The following GRK5 variants were observed in gnomAD, a reference collection of about 807,000 sequenced individuals.
GRK5 encodes the protein g protein-coupled receptor kinase GRK5.
A neutral mutation model predicts 78.4 loss-of-function variants in GRK5; 40 were observed. That is an observed-to-expected ratio of 0.51 (90% CI 0.40 to 0.66). The LOEUF is 0.66. Among genes scored for constraint, GRK5 ranks in the 30% least tolerant of loss-of-function variants. GRK5 has a pLI of 0.00. For missense variants in GRK5, 598 were observed against 759.9 expected (o/e 0.79, Z 2.50); for synonymous variants, 289 against 296.8 (o/e 0.97, Z 0.27).
intron 3 of GRK5, among the ~76,000 whole-genome samples, chr10:119,382,765 C>G (rs1450142045): frequency 1.3e-5 from 2 of 152,166 alleles, no homozygotes; most frequent in African/African-American, 4.8e-5. Flanking sequence ...AAGGTCCACA[C>G]GTTGTGATCT....
intron 2 of GRK5, among the ~76,000 whole-genome samples, chr10:119,366,124 A>G (rs1453516456): frequency 6.9e-6 from 1 of 145,460 alleles, no homozygotes; most frequent in Non-Finnish European, 1.5e-5. Context: ...TCAGCACAGG[A>G]ATGTGCTGTG....
At chr10:119,415,925 C>G (rs1262324317) in intron 4 of GRK5, among the ~76,000 whole-genome samples, 2 of 152,150 alleles carry the variant, frequency 1.3e-5, no homozygotes, top group African/African-American at 4.8e-5. Context: ...CCTGGAGGGT[C>G]CTCTGATCTC....
rs576309532 is a variant in GRK5, at chr10:119,452,278, C to T, written c.1405-393C>T. Among the ~76,000 whole-genome samples the T allele has an allele frequency of 1.3e-5, 2 of 152,364 alleles. No individual in the cohort carries two copies. Among genetic ancestry groups the T allele is most frequent in the South Asian group, 4.1e-4 (2 of 4,830 alleles). ...AAGTTCCTAAGCCCCACAGCTGGGA[C>T]TCTAGCCCACGTCTGTCCAGTATGG... On this transcript the variant is annotated intron_variant, in intron 13 of 15. Transcript: ENST00000392870. The surrounding 1 kb of genome is among the most constrained non-coding windows in gnomAD (Gnocchi z 4.4).
intron 1 of GRK5, among the ~76,000 whole-genome samples, chr10:119,250,446 T>G (rs181668143): frequency 1.7e-4 from 26 of 152,148 alleles, no homozygotes; most frequent in Admixed American, 5.2e-4. Flanking sequence ...CAGGCTGGAG[T>G]GCAGTGGCGT....
intron 1 of GRK5, among the ~76,000 whole-genome samples, chr10:119,298,004 C>T (rs541848793): frequency 1.3e-5 from 2 of 152,296 alleles, no homozygotes; most frequent in East Asian, 1.9e-4. Context: ...TCACTGGGAC[C>T]TCACTTTGTC....
chr10:119,414,985 G>A (rs1852416505), intron 4 of GRK5, among the ~76,000 whole-genome samples: 1 of 150,274 alleles, frequency 6.7e-6, no homozygotes, highest in Non-Finnish European at 1.5e-5. Flanking sequence ...AGAAGGCTGA[G>A]GCATGAGAAT....
intron 1 of GRK5, among the ~76,000 whole-genome samples, chr10:119,279,081 C>T (rs2133686327): frequency 6.6e-6 from 1 of 152,184 alleles, no homozygotes. Context: ...GGGGTTTCAC[C>T]ATGTTAGCCA....
intron 1 of GRK5, among the ~76,000 whole-genome samples, chr10:119,325,940 G>T (rs891915081): frequency 1.3e-5 from 2 of 152,254 alleles, no homozygotes; most frequent in African/African-American, 2.4e-5. Flanking sequence ...GGCAGGGCGG[G>T]CCCCTCAGGA....
chr10:119,237,172 C>T (rs563655050), intron 1 of GRK5, among the ~76,000 whole-genome samples: 8 of 149,378 alleles, frequency 5.4e-5, no homozygotes, highest in African/African-American at 1.5e-4. Flanking sequence ...AAGTGATTCT[C>T]GTGTCTCAGC....
chr10:119,302,622 G>A (rs1413991980), intron 1 of GRK5, among the ~76,000 whole-genome samples: 1 of 152,214 alleles, frequency 6.6e-6, no homozygotes, highest in Non-Finnish European at 1.5e-5. Context: ...AGTTCAACTG[G>A]CTGGGGTTTG....
At chr10:119,248,775 A>T (rs1849153275) in intron 1 of GRK5, among the ~76,000 whole-genome samples, 1 of 152,184 alleles carries the variant, frequency 6.6e-6, no homozygotes, top group African/African-American at 2.4e-5. Flanking sequence ...GTGTCCATTA[A>T]CTTGTTTTGT....
intron 1 of GRK5, among the ~76,000 whole-genome samples, chr10:119,233,257 T>G (rs1030700267): frequency 6.6e-6 from 1 of 152,246 alleles, no homozygotes; most frequent in African/African-American, 2.4e-5. Context: ...CTCCCTGTAT[T>G]TAATCCACAA....
chr10:119,299,871 GT>G (rs1282545155), intron 1 of GRK5, among the ~76,000 whole-genome samples: 1 of 151,878 alleles, frequency 6.6e-6, no homozygotes, highest in Non-Finnish European at 1.5e-5. Flanking sequence ...CTGCAGGTTT[GT>G]TACATATGTA....
At chr10:119,324,485 G>A (rs569444505) in intron 1 of GRK5, among the ~76,000 whole-genome samples, 6 of 152,300 alleles carry the variant, frequency 3.9e-5, no homozygotes, top group African/African-American at 9.6e-5. Context: ...AAAATTAGCC[G>A]GGTGCGGTGG....
Position 119,396,713 on chromosome 10 carries a change from C to A in GRK5, c.280C>A (p.Pro94Thr). 1 of 1,613,100 alleles carries A rather than the reference C, an allele frequency of 6.2e-7. No individual in the cohort carries two copies. The highest frequency in any genetic ancestry group is 1.1e-5 in the South Asian group (1 of 91,066). ...GTTTTAGGCAGAATATGAAGTTACT[C>A]CAGATGAAAAACTGGGAGAGAAAGG... ...LDSVAEYEVT[P>T]DEKLGEKGKE... Residue 94 changes from proline to threonine, a missense_variant, in exon 4 of 16, where the codon CCA becomes ACA. Transcript: ENST00000392870.
rs1849240254 is a variant in GRK5, at chr10:119,253,863, TG to T, written c.52+45895del. On this transcript the variant is annotated intron_variant, in intron 1 of 15. Coordinates refer to ENST00000392870, the MANE Select transcript of GRK5 (RefSeq NM_005308.3). This position sits in a 1 kb window ranked among gnomAD's most constrained non-coding sequence, Gnocchi z 5.7. ...TGCCCCAGGGGTGTGTGTGTGTGTG[TG>T]TGTGTGTGTACACATGTGTGTGCGT... 6.6e-6 allele frequency among the ~76,000 whole-genome samples: 1 copy of T among 152,040 alleles called. No homozygotes were observed. The highest frequency in any genetic ancestry group is 1.5e-5 in the Non-Finnish European group (1 of 68,012).
At chr10:119,408,430 C>G (rs966638173) in intron 4 of GRK5, among the ~76,000 whole-genome samples, 7 of 150,526 alleles carry the variant, frequency 4.7e-5, no homozygotes, top group African/African-American at 1.7e-4. Flanking sequence ...TCACAATGGC[C>G]AAAAAATGGC....
At chr10:119,257,072 T>C (rs1397556723) in intron 1 of GRK5, among the ~76,000 whole-genome samples, 1 of 152,266 alleles carries the variant, frequency 6.6e-6, no homozygotes, top group Non-Finnish European at 1.5e-5. Context: ...ATTCATTACT[T>C]TTTGTGGCTG....
chr10:119,434,097 C>G (rs150824823), intron 8 of GRK5, among the ~76,000 whole-genome samples: 2 of 152,146 alleles, frequency 1.3e-5, no homozygotes, highest in Non-Finnish European at 2.9e-5. Context: ...ACTATGAGAA[C>G]AGTATAGGAG....
Sources: allele counts gnomAD v4.1 joint callset (sites outside exome capture counted in the v4.1 genomes callset), GRCh38; gene constraint gnomAD v4.1.1; non-coding constraint Gnocchi (gnomAD v3.1); transcripts MANE v1.5; gene names NCBI Gene and HGNC (gene_info 2026-07-23, HGNC 2026-07-21).